ACADM: variants seen among roughly 807,000 people sequenced by gnomAD.
The protein encoded by ACADM is medium-chain specific acyl-CoA dehydrogenase, mitochondrial.
ACADM carries 49 observed loss-of-function variants against 58.9 expected under a neutral mutation model. The observed-to-expected ratio is 0.83, with a 90% CI of 0.66 to 1.06. The LOEUF is 1.06. Among genes scored for constraint, ACADM ranks in the 50% least tolerant of loss-of-function variants. ACADM has a pLI of 0.00. For synonymous variants in ACADM, 160 were observed against 157.7 expected (o/e 1.01, Z -0.11); for missense variants, 496 against 507.0 (o/e 0.98, Z 0.21).
chr1:75,738,521 G>A (rs1570873935), intron 6 of ACADM, among the ~76,000 whole-genome samples: 1 of 152,016 alleles, frequency 6.6e-6, no homozygotes, highest in South Asian at 2.1e-4. Flanking sequence ...CAGCCACCAC[G>A]CCCGGCCCTA....
intron 10 of ACADM, among the ~76,000 whole-genome samples, chr1:75,752,194 C>G (rs187835070): frequency 2.0e-5 from 3 of 152,174 alleles, no homozygotes; most frequent in African/African-American, 4.8e-5. Context: ...GTTGCCCAGA[C>G]TGGTCTCAAA....
At chr1:75,730,011 C>T (rs1390355681) in intron 2 of ACADM, among the ~76,000 whole-genome samples, 1 of 149,662 alleles carries the variant, frequency 6.7e-6, no homozygotes, top group Non-Finnish European at 1.5e-5. Context: ...TCTCCTGCCT[C>T]AGCCACCCAA....
At position 75,745,679 on chromosome 1, in the gene ACADM, A is replaced by G. The variant is rs868347295; in HGVS notation, c.600-127A>G. 5 of 809,680 alleles carry G rather than the reference A, an allele frequency of 6.2e-6. No homozygotes were observed. The Middle Eastern group carries it at 1.2e-3, about 188-fold the overall frequency. 50.2% of individuals were successfully genotyped at this position (809,680 alleles called of 1,614,324 possible). On this transcript the variant is annotated intron_variant, in intron 7 of 11. Transcript: ENST00000370841. Reference sequence around the variant, plus strand: ...ACTAGGCAAGTTTTTAAACCTGATTATTTATTTCCTCATTTGTAAAATGTA... The same window carrying G: ...ACTAGGCAAGTTTTTAAACCTGATTGTTTATTTCCTCATTTGTAAAATGTA...
intron 6 of ACADM, among the ~76,000 whole-genome samples, chr1:75,736,407 A>T (rs1470449047): frequency 6.6e-6 from 1 of 152,012 alleles, no homozygotes; most frequent in Non-Finnish European, 1.5e-5. Context: ...TTTCAAGCAA[A>T]CTGTTTAATA....
intron 10 of ACADM, among the ~76,000 whole-genome samples, chr1:75,756,414 A>G: frequency 1.1e-5 from 1 of 88,246 alleles, no homozygotes; most frequent in Non-Finnish European, 2.4e-5. Flanking sequence ...ATTCCTATAC[A>G]CCAACAACAC....
intron 11 of ACADM, among the ~76,000 whole-genome samples, chr1:75,762,137 A>G (rs1557467589): frequency 2.6e-5 from 4 of 152,204 alleles, no homozygotes; most frequent in Admixed American, 2.0e-4. Flanking sequence ...AATTATAATT[A>G]TTACTATTAT....
At chr1:75,749,588 A>G in intron 9 of ACADM, 29 bp downstream of exon 9, 1 of 1,591,512 alleles carries the variant, frequency 6.3e-7, no homozygotes. Context: ...TAATCTTTAT[A>G]GGATCTTTTA....
chr1:75,733,152 A>G (rs1465172874), intron 4 of ACADM: 1 of 1,612,744 alleles, frequency 6.2e-7, no homozygotes. Context: ...AAACCTTGGT[A>G]ACTTCCGTTT....
intron 11 of ACADM, chr1:75,761,733 T>A (rs576451310): frequency 3.9e-6 from 1 of 258,148 alleles, no homozygotes; most frequent in Non-Finnish European, 7.6e-6. Flanking sequence ...CTATTTAATT[T>A]ATTGTAACTA....
At chr1:75,748,068 G>A (rs532239569) in intron 8 of ACADM, among the ~76,000 whole-genome samples, 1 of 152,098 alleles carries the variant, frequency 6.6e-6, no homozygotes, top group Non-Finnish European at 1.5e-5. Flanking sequence ...TGTTTCCATT[G>A]CTCCTGTTTC....
chr1:75,757,840 C>T (rs1462799618), intron 10 of ACADM, among the ~76,000 whole-genome samples: 3 of 152,170 alleles, frequency 2.0e-5, no homozygotes, highest in Non-Finnish European at 4.4e-5. Flanking sequence ...ACTACCTACC[C>T]AGAGATAGCA....
At chr1:75,733,494 T>TA (rs1161351218) in intron 4 of ACADM, 34 bp from the exon 5 acceptor site, 1 of 1,524,340 alleles carries the variant, frequency 6.6e-7, no homozygotes, top group South Asian at 1.1e-5. Context: ...ATGTACTACA[T>TA]ATTACAATGT....
Position 75,745,657 on chromosome 1 carries a change from A to G in ACADM, c.600-149A>G, listed in dbSNP as rs981403337. ...TCTTCCATATACTAGGTACGTGACT[A>G]GGCAAGTTTTTAAACCTGATTATTT... On this transcript the variant is annotated intron_variant, in intron 7 of 11. Coordinates refer to ENST00000370841, the MANE Select transcript of ACADM (RefSeq NM_000016.6). 1.2e-4 allele frequency: 83 copies of G among 705,670 alleles called. No homozygotes were observed. In the African/African-American group the frequency reaches 1.4e-3, roughly 12 times the overall value. The allele number at this position is 705,670 out of a possible 1,614,324, so 43.7% of individuals were successfully genotyped here. A position where few individuals can be genotyped will look rare whatever the true frequency, so the allele number is the denominator to read the frequency against.
chr1:75,741,227 C>T (rs1304953904), intron 7 of ACADM, among the ~76,000 whole-genome samples: 1 of 152,140 alleles, frequency 6.6e-6, no homozygotes, highest in Non-Finnish European at 1.5e-5. Flanking sequence ...CCATATACTA[C>T]AGTTTTCTAG....
intron 6 of ACADM, among the ~76,000 whole-genome samples, chr1:75,737,280 ATATATAT>A (rs1647305659): frequency 1.8e-4 from 1 of 5,456 alleles, no homozygotes; most frequent in Admixed American, 1.9e-3. Flanking sequence ...ACACACACAA[ATATATAT>A]ATATATATAT....
In ACADM at chr1:75,763,236, TTC is replaced by T. The variant is rs1648946440; in HGVS notation, c.*475_*476del. 1 of 152,402 alleles carries T rather than the reference TTC, an allele frequency of 6.6e-6. No individual in the cohort carries two copies. Among genetic ancestry groups the T allele is most frequent in the Non-Finnish European group, 1.5e-5 (1 of 68,192 alleles). 9.4% of individuals were successfully genotyped at this position (152,402 alleles called of 1,614,324 possible). On this transcript the variant is annotated 3_prime_UTR_variant, in exon 12 of 12. Transcript: ENST00000370841. ...CAGTTTGGAAAGCATTTGTGAAACT[TTC>T]TGTTTGGCACAGAAACAGTCAAAAT...
At chr1:75,735,937 C>T (rs6676182) in intron 6 of ACADM, among the ~76,000 whole-genome samples, 39,831 of 151,446 alleles carry the variant, frequency 0.26, 6,558 homozygotes, top group East Asian at 0.69. Context: ...ACTGCTTGAG[C>T]CCGGGAGTTC....
intron 9 of ACADM, 117 bp downstream of exon 9, chr1:75,749,676 A>T: frequency 6.0e-6 from 5 of 833,870 alleles, no homozygotes; most frequent in African/African-American, 1.8e-5. Flanking sequence ...TGCTTATTTT[A>T]TTAAGGATAT....
In ACADM at chr1:75,745,903, A is replaced by C; in HGVS notation, c.697A>C (p.Ile233Leu). Residue 233 changes from isoleucine to leucine, a missense_variant, in exon 8 of 12, where the codon ATT becomes CTT. Coordinates refer to ENST00000370841, the MANE Select transcript of ACADM (RefSeq NM_000016.6). ...IVEADTPGIQ[I>L]GRKELNMGQR... ...GGAAGCAGATACCCCAGGAATTCAG[A>C]TTGGGAGAAAGGTAAAGTATTTATT... is the stretch of plus-strand genomic sequence containing the variant. 6.2e-7 allele frequency: 1 copy of C among 1,609,462 alleles called. No homozygotes were observed. Among genetic ancestry groups the C allele is most frequent in the Non-Finnish European group, 8.5e-7 (1 of 1,175,928 alleles).
Sources: gnomAD v4.1 joint callset for allele counts (sites outside exome capture counted in the v4.1 genomes callset) on GRCh38, gnomAD v4.1.1 for gene constraint, MANE v1.5 for transcripts, NCBI Gene and HGNC (gene_info 2026-07-23, HGNC 2026-07-21) for gene names.